WDR35: variants seen among roughly 807,000 people sequenced by gnomAD.
WDR35 encodes WD repeat domain 35.
In WDR35, 118 loss-of-function variants were observed where a neutral mutation model predicts 158.3. That is an observed-to-expected ratio of 0.75 (90% confidence interval 0.64 to 0.87). The LOEUF (loss-of-function observed/expected upper bound fraction) is 0.87. Ranked by LOEUF, WDR35 falls within the 40% of genes least tolerant of loss-of-function variation. The pLI, the probability that WDR35 is intolerant of heterozygous loss-of-function variation, is 0.00. For synonymous variants in WDR35, 448 were observed against 476.1 expected, an observed-to-expected ratio of 0.94 and a Z score of 0.77; for missense variants, 1,263 against 1,405.8, an observed-to-expected ratio of 0.90 and a Z score of 1.62.
At chr2:19,919,652 C>T (rs1257972895) in intron 25 of WDR35, among the ~76,000 whole-genome samples, 2 of 152,022 alleles carry the variant, frequency 1.3e-5, no homozygotes, top group African/African-American at 4.8e-5. Context: ...AAAATCAACA[C>T]CCTAACATCA....
Position 19,975,614 on chromosome 2 carries a change from T to A in WDR35, c.486A>T (p.Val162=). The A allele has an allele frequency of 6.2e-7, 1 of 1,614,110 alleles. No individual in the cohort carries two copies. Among genetic ancestry groups the A allele is most frequent in the Non-Finnish European group, 8.5e-7 (1 of 1,179,968 alleles). Residue 162 remains valine (V), a synonymous_variant, in exon 6 of 27, where the codon GTA becomes GTT. Coordinates refer to ENST00000281405, the MANE Select transcript of WDR35 (RefSeq NM_020779.4). ...KDLKGIQLSH[V]TWSADSKVLL... is the part of the protein sequence containing the mutation. ...AGACTTTACTGTCCGCAGACCATGT[T>A]ACATGGGATAGCTGTATACCCTTCA...
intron 11 of WDR35, among the ~76,000 whole-genome samples, chr2:19,960,089 G>A (rs1360299124): frequency 6.6e-6 from 1 of 151,986 alleles, no homozygotes; most frequent in Non-Finnish European, 1.5e-5. Context: ...GAAAAATCTG[G>A]AAAGGGCAAA....
At chr2:19,918,664 T>C (rs1455061646) in intron 25 of WDR35, among the ~76,000 whole-genome samples, 3 of 152,270 alleles carry the variant, frequency 2.0e-5, no homozygotes, top group East Asian at 1.9e-4. Flanking sequence ...CATTACATAA[T>C]GTTAAAGGGA....
chr2:19,957,354 T>C (rs781726515), intron 11 of WDR35, among the ~76,000 whole-genome samples: 4 of 152,220 alleles, frequency 2.6e-5, no homozygotes, highest in Admixed American at 6.5e-5. Flanking sequence ...TATGGGTAGA[T>C]AATCCTATCT....
intron 8 of WDR35, among the ~76,000 whole-genome samples, chr2:19,971,119 G>T (rs1403673788): frequency 6.6e-6 from 1 of 151,926 alleles, no homozygotes; most frequent in Non-Finnish European, 1.5e-5. Context: ...TTTTTAATGT[G>T]GCTATAAGGC....
In WDR35 at chr2:19,990,073, T is replaced by C; in HGVS notation, c.-58A>G. The C allele has an allele frequency of 6.2e-7, 1 of 1,605,176 alleles. No homozygotes were observed. The highest frequency in any genetic ancestry group is 8.5e-7 in the Non-Finnish European group (1 of 1,175,440). On this transcript the variant is annotated 5_prime_UTR_variant, in exon 1 of 27. Coordinates refer to ENST00000281405, the MANE Select transcript of WDR35 (RefSeq NM_020779.4). ...TAAGGCCCTCGACAAGTAACGGTTC[T>C]ACGTCTCCAATCGGGAGTACCAGCA...
At chr2:19,925,121 T>A (rs192796262) in intron 25 of WDR35, among the ~76,000 whole-genome samples, 98 of 152,302 alleles carry the variant, frequency 6.4e-4, no homozygotes, top group African/African-American at 2.1e-3. Flanking sequence ...TGCACAAAAC[T>A]GTGAGCCTTC....
chr2:19,946,688 T>C (rs1026936250), intron 14 of WDR35, 118 bp from the exon 15 acceptor site: 1 of 882,554 alleles, frequency 1.1e-6, no homozygotes, highest in East Asian at 2.6e-5. Flanking sequence ...CACAGCAAAT[T>C]CTCAATTCTG....
chr2:19,990,006 A>G lies in WDR35; in HGVS notation c.10T>C (p.Tyr4His), dbSNP rs772365561. 18 of 1,613,926 alleles carry G rather than the reference A, an allele frequency of 1.1e-5. No homozygotes were observed. The East Asian group carries it at 2.7e-4, about 24-fold the overall frequency. Reference sequence around the variant, plus strand: ...AGGAAACTCACTTTCTTGCTCAGGTAGAAGAACATCGTGGGATCCCCGAGA... The same window carrying G: ...AGGAAACTCACTTTCTTGCTCAGGTGGAAGAACATCGTGGGATCCCCGAGA... Reference protein sequence around the residue: MFFYLSKKISIPNN... With the variant: MFFHLSKKISIPNN... The change falls in exon 1 of 27, where the codon TAC (tyrosine) becomes CAC (histidine). Residue 4 changes from tyrosine (Y) to histidine (H), a missense_variant. Transcript: ENST00000281405.
At position 19,946,567 on chromosome 2, in the gene WDR35, G is replaced by A. The variant is rs1462353387; in HGVS notation, c.1528C>T (p.Arg510Cys). 5.6e-6 allele frequency: 9 copies of A among 1,612,928 alleles called. No individual in the cohort carries two copies. The highest frequency in any genetic ancestry group is 1.7e-5 in the Admixed American group (1 of 59,960). ...TASDKILIVGRESGTIQRYSL... is the reference protein window; with the variant it reads ...TASDKILIVGCESGTIQRYSL... ...TATCTCTGAATGGTGCCAGATTCACGACCCTATGGAAATTACTTTTGATTA... is the reference window on the plus strand; with the variant it reads ...TATCTCTGAATGGTGCCAGATTCACAACCCTATGGAAATTACTTTTGATTA... The change falls in exon 15 of 27, where the codon CGT becomes TGT. Residue 510 changes from arginine to cysteine, a missense_variant. By Grantham distance (180) the Arg-to-Cys change is radical. Coordinates refer to ENST00000281405, the MANE Select transcript of WDR35 (RefSeq NM_020779.4).
At chr2:19,929,910 T>C (rs890124239) in intron 25 of WDR35, among the ~76,000 whole-genome samples, 10 of 152,060 alleles carry the variant, frequency 6.6e-5, no homozygotes, top group African/African-American at 4.8e-5. Context: ...ACAAGATAAA[T>C]GCTATAGCAA....
intron 17 of WDR35, 39 bp from the exon 18 acceptor site, chr2:19,938,440 G>T: frequency 6.2e-7 from 1 of 1,608,500 alleles, no homozygotes; most frequent in Non-Finnish European, 8.5e-7. Flanking sequence ...TCAAATATTT[G>T]CCGTTAGAGT....
At chr2:19,989,359 G>T in intron 1 of WDR35, 77 bp from the exon 2 acceptor site, 1 of 1,298,438 alleles carries the variant, frequency 7.7e-7, no homozygotes, top group Non-Finnish European at 1.1e-6. Context: ...GATGAAAGCT[G>T]AAGAAAATCT....
At position 19,936,411 on chromosome 2, in the gene WDR35, A is replaced by C. The variant is rs775556413; in HGVS notation, c.2268-46T>G. The C allele has an allele frequency of 2.0e-5, 33 of 1,612,848 alleles. No homozygotes were observed. The Admixed American group carries it at 3.5e-4, about 17-fold the overall frequency. On this transcript the variant is annotated intron_variant, in intron 19 of 26. Coordinates refer to ENST00000281405, the MANE Select transcript of WDR35 (RefSeq NM_020779.4). Reference sequence around the variant, plus strand: ...TCATTCATTCATCTATTTGACAAATATTTACCAAGAGCCTGCTGTGTGTTA... The same window carrying C: ...TCATTCATTCATCTATTTGACAAATCTTTACCAAGAGCCTGCTGTGTGTTA...
At position 19,964,604 on chromosome 2, in the gene WDR35, G is replaced by A. The variant is rs1023218514; in HGVS notation, c.1194+2120C>T. ...TCACCGTGTTGCCCAGGCCGGTCTC[G>A]AACTCCTGAGCTCAGGTAATCTGCC... is the stretch of plus-strand genomic sequence containing the variant. On this transcript the variant is annotated intron_variant, in intron 10 of 26. Coordinates refer to ENST00000281405, the MANE Select transcript of WDR35 (RefSeq NM_020779.4). 8.6e-5 allele frequency among the ~76,000 whole-genome samples: 13 copies of A among 151,262 alleles called. No homozygotes were observed. The East Asian group carries it at 2.6e-3, about 30-fold the overall frequency.
At position 19,914,226 on chromosome 2, in the gene WDR35, G is replaced by A. The variant is rs767341173; in HGVS notation, c.3173C>T (p.Ser1058Phe). 1 of 1,614,142 alleles carries A rather than the reference G, an allele frequency of 6.2e-7. No individual in the cohort carries two copies. Among genetic ancestry groups the A allele is most frequent in the Admixed American group, 1.7e-5 (1 of 60,018 alleles). Residue 1058 changes from serine to phenylalanine, a missense_variant, in exon 26 of 27, where the codon TCT (serine) becomes TTT (phenylalanine). Coordinates refer to ENST00000281405, the MANE Select transcript of WDR35 (RefSeq NM_020779.4). ...EDIIPPVEIYSLLALCACASR... is the reference protein window; with the variant it reads ...EDIIPPVEIYFLLALCACASR... ...GGCGCATGCGCAGAGTGCTAGCAGA[G>A]AGTAGATCTCCACAGGAGGGATGAT...
At chr2:19,979,977 G>A (rs1172591769) in intron 4 of WDR35, among the ~76,000 whole-genome samples, 3 of 152,088 alleles carry the variant, frequency 2.0e-5, no homozygotes, top group Non-Finnish European at 4.4e-5. Flanking sequence ...TGTATTATGA[G>A]CTGCTTTTCT....
At chr2:19,928,984 T>A (rs1254682599) in intron 25 of WDR35, among the ~76,000 whole-genome samples, 2 of 152,138 alleles carry the variant, frequency 1.3e-5, no homozygotes, top group Non-Finnish European at 2.9e-5. Flanking sequence ...TTTTTTTGTA[T>A]TTTTAGTAAA....
At chr2:19,914,451 A>G (rs1045011433) in intron 25 of WDR35, among the ~76,000 whole-genome samples, 174 bp from the exon 26 acceptor site, 1 of 152,266 alleles carries the variant, frequency 6.6e-6, no homozygotes, top group Non-Finnish European at 1.5e-5. Context: ...ATGATATCCA[A>G]GGTTCTGTGA....
Sources: gnomAD v4.1 joint callset for allele counts (sites outside exome capture counted in the v4.1 genomes callset) on GRCh38, gnomAD v4.1.1 for gene constraint, MANE v1.5 for transcripts, NCBI Gene and HGNC (gene_info 2026-07-23, HGNC 2026-07-21) for gene names.